Variants in FOXN2 observed in about 807,000 individuals in gnomAD.
FOXN2 encodes the protein forkhead box protein N2.
A neutral mutation model predicts 41.2 loss-of-function variants in FOXN2; 19 were observed. The ratio of observed to expected loss-of-function variants is 0.46; its 90% CI spans 0.32 to 0.68. The LOEUF (loss-of-function observed/expected upper bound fraction) is 0.68. FOXN2 is among the 30% of genes least tolerant of loss of function. FOXN2 has a pLI of 0.03. For missense variants in FOXN2, 587 were observed against 509.4 expected, an observed-to-expected ratio of 1.15 and a Z score of -1.47; for synonymous variants, 195 against 176.8, an observed-to-expected ratio of 1.10 and a Z score of -0.82.
chr2:48,317,010 A>G (rs1221967917), intron 1 of FOXN2, among the ~76,000 whole-genome samples: 4 of 152,238 alleles, frequency 2.6e-5, no homozygotes, highest in Non-Finnish European at 5.9e-5. Context: ...CAATTGAGAA[A>G]TGAGTATATA....
At chr2:48,318,585 CA>C (rs1251466395) in intron 1 of FOXN2, among the ~76,000 whole-genome samples, 1 of 152,198 alleles carries the variant, frequency 6.6e-6, no homozygotes, top group African/African-American at 2.4e-5. Flanking sequence ...CTTTTGGAAG[CA>C]AGTCACTAAG....
At chr2:48,343,282 G>A (rs1188748220) in intron 2 of FOXN2, among the ~76,000 whole-genome samples, 1 of 152,024 alleles carries the variant, frequency 6.6e-6, no homozygotes, top group Non-Finnish European at 1.5e-5. Flanking sequence ...CATTTAGGAT[G>A]TTTCCTACCA....
At chr2:48,373,945 C>G (rs886882032) in intron 6 of FOXN2, among the ~76,000 whole-genome samples, 5 of 151,854 alleles carry the variant, frequency 3.3e-5, no homozygotes, top group Non-Finnish European at 7.4e-5. Context: ...GTCCCAGCTA[C>G]TCAGGAGGCT....
chr2:48,333,086 T>G (rs1336405466), intron 2 of FOXN2, among the ~76,000 whole-genome samples: 1 of 152,182 alleles, frequency 6.6e-6, no homozygotes, highest in African/African-American at 2.4e-5. Flanking sequence ...CTCCTAGTGT[T>G]ATGTATGTTA....
chr2:48,339,298 TGA>T (rs1479835533), intron 2 of FOXN2, among the ~76,000 whole-genome samples: 1 of 152,142 alleles, frequency 6.6e-6, no homozygotes, highest in Non-Finnish European at 1.5e-5. Flanking sequence ...CCCCAAGTGT[TGA>T]GAAGGGGCCT....
chr2:48,358,159 G>T (rs1207766910), intron 3 of FOXN2, among the ~76,000 whole-genome samples: 1 of 150,436 alleles, frequency 6.6e-6, no homozygotes, highest in African/African-American at 2.4e-5. Context: ...CAGAACTAAT[G>T]TATTTTTTTC....
Position 48,375,059 on chromosome 2 carries a change from C to T in FOXN2, c.912C>T (p.Tyr304=). The T allele has an allele frequency of 6.2e-7, 1 of 1,614,058 alleles. No homozygotes were observed. The change falls in exon 7 of 7, where the codon TAC becomes TAT. Residue 304 remains tyrosine (Y), a synonymous_variant. Transcript: ENST00000340553. ...TTGATCCAAAAGAAGATCACAATTA[C>T]AGTGCAAGTAGCATGGCAGCACAGC... The part of the protein sequence containing the change: ...TSIDPKEDHN[Y]SASSMAAQRC...
Position 48,375,405 on chromosome 2 carries a change from A to C in FOXN2, c.1258A>C (p.Thr420Pro). 6.2e-7 allele frequency: 1 copy of C among 1,609,808 alleles called. No homozygotes were observed. Among genetic ancestry groups the C allele is most frequent in the Non-Finnish European group, 8.5e-7 (1 of 1,177,764 alleles). ...IRTCLGSLIS[T>P]AKTQNQKQRK... ...TACATGTTTAGGTTCCCTAATAAGT[A>C]CTGCAAAGACACAAAATCAAAAGCA... is the stretch of plus-strand genomic sequence containing the variant. Residue 420 changes from threonine (T) to proline (P), a missense_variant, in exon 7 of 7, where the codon ACT becomes CCT. Thr to Pro is a conservative substitution (Grantham distance 38). Coordinates refer to ENST00000340553, the MANE Select transcript of FOXN2 (RefSeq NM_002158.4).
intron 2 of FOXN2, among the ~76,000 whole-genome samples, chr2:48,344,535 T>C (rs1670972032): frequency 6.6e-6 from 1 of 152,232 alleles, no homozygotes; most frequent in Non-Finnish European, 1.5e-5. Flanking sequence ...ATCAATAAAG[T>C]TGAATTAATA....
chr2:48,325,697 T>C (rs1669616380), intron 1 of FOXN2, among the ~76,000 whole-genome samples: 1 of 152,132 alleles, frequency 6.6e-6, no homozygotes. Context: ...AGCTCTGCCC[T>C]TATGAAGCTT....
rs1279932695 is a variant in FOXN2, at chr2:48,377,409, GT to G, written c.*1969del. 1 of 151,974 alleles carries G rather than the reference GT, an allele frequency of 6.6e-6. No homozygotes were observed. The highest frequency in any genetic ancestry group is 1.9e-4 in the East Asian group (1 of 5,198). The allele number at this position is 151,974 out of a possible 1,614,324, so 9.4% of individuals were successfully genotyped here. A position where few individuals can be genotyped will look rare whatever the true frequency, so the allele number is the denominator to read the frequency against. On this transcript the variant is annotated 3_prime_UTR_variant, in exon 7 of 7. Transcript: ENST00000340553. Reference sequence around the variant, plus strand: ...CCTCTGTATAGACCTTAGGAACAGTGTTTCAGTGATCTGGCACCAGTTTATT... The same window carrying G: ...CCTCTGTATAGACCTTAGGAACAGTGTTCAGTGATCTGGCACCAGTTTATT...
chr2:48,342,649 A>G (rs761577232), intron 2 of FOXN2, among the ~76,000 whole-genome samples: 14 of 152,094 alleles, frequency 9.2e-5, no homozygotes, highest in Non-Finnish European at 1.6e-4. Context: ...CTGTTTATCC[A>G]TTGTGGTGGA....
upstream of FOXN2, among the ~76,000 whole-genome samples, chr2:48,314,464 T>A (rs1417986769): frequency 6.6e-6 from 1 of 152,204 alleles, no homozygotes; most frequent in African/African-American, 2.4e-5. Context: ...CCAGCCGCCG[T>A]GCCAGGCAGC....
At chr2:48,360,036 T>C (rs1201634622) in intron 4 of FOXN2, among the ~76,000 whole-genome samples, 2 of 152,166 alleles carry the variant, frequency 1.3e-5, no homozygotes, top group African/African-American at 2.4e-5. Context: ...CTTTGAACTT[T>C]GTTTTTATTT....
At chr2:48,352,485 T>C (rs1328030699) in intron 3 of FOXN2, among the ~76,000 whole-genome samples, 2 of 152,232 alleles carry the variant, frequency 1.3e-5, no homozygotes, top group Admixed American at 6.5e-5. Context: ...CTATTTTGTC[T>C]TTTTTGTTGA....
chr2:48,359,807 A>G (rs1672056640), intron 4 of FOXN2, among the ~76,000 whole-genome samples: 1 of 152,162 alleles, frequency 6.6e-6, no homozygotes, highest in Admixed American at 6.5e-5. Flanking sequence ...CAAACAGGTC[A>G]GATCATTTTA....
chr2:48,338,446 G>C (rs533343569), intron 2 of FOXN2, among the ~76,000 whole-genome samples: 1 of 151,532 alleles, frequency 6.6e-6, no homozygotes, highest in South Asian at 2.1e-4. Context: ...CTGTCGCCCA[G>C]GCTGGAGTGC....
rs1673300695 is a variant in FOXN2 at position 48,377,057 on chromosome 2, CTTT to C, written c.*1615_*1617del. 1 of 151,872 alleles carries C rather than the reference CTTT, an allele frequency of 6.6e-6. No homozygotes were observed. Among genetic ancestry groups the C allele is most frequent in the Non-Finnish European group, 1.5e-5 (1 of 67,860 alleles). 9.4% of individuals were successfully genotyped at this position (151,872 alleles called of 1,614,324 possible). On this transcript the variant is annotated 3_prime_UTR_variant, in exon 7 of 7. Coordinates refer to ENST00000340553, the MANE Select transcript of FOXN2 (RefSeq NM_002158.4). ...AAAACTTTTTTTTCAATTGACAAGACTTTAAGTCAGGGATAACAGTATTAATGT... is the reference window on the plus strand; with the variant it reads ...AAAACTTTTTTTTCAATTGACAAGACAAGTCAGGGATAACAGTATTAATGT...
At chr2:48,317,595 C>CCTTTTTTTTTT (rs1669006573) in intron 1 of FOXN2, among the ~76,000 whole-genome samples, 2 of 34,712 alleles carry the variant, frequency 5.8e-5, no homozygotes, top group African/African-American at 1.7e-4. Flanking sequence ...TATAGTATTG[C>CCTTTTTTTTTT]TTTTTTTTTT....
Sources: allele counts gnomAD v4.1 joint callset (sites outside exome capture counted in the v4.1 genomes callset), GRCh38; gene constraint gnomAD v4.1.1; transcripts MANE v1.5; gene names NCBI Gene and HGNC (gene_info 2026-07-23, HGNC 2026-07-21).